DLGAP1: variants seen among roughly 807,000 people sequenced by gnomAD.
DLGAP1 encodes the protein disks large-associated protein 1.
DLGAP1 carries 11 observed loss-of-function variants against 90.8 expected under a neutral mutation model. That is an observed-to-expected ratio of 0.12 (90% confidence interval 0.08 to 0.20). DLGAP1 has a LOEUF of 0.20. Ranked by LOEUF, DLGAP1 falls within the 10% of genes least tolerant of loss-of-function variation. The probability of loss-of-function intolerance (pLI) is 1.00; values close to 1 mark genes in which losing one functional copy is unlikely to be tolerated. For missense variants in DLGAP1, 1,050 were observed against 1,333.8 expected (o/e 0.79, Z 3.31); for synonymous variants, 558 against 540.7 (o/e 1.03, Z -0.44).
chr18:4,027,995 C>G (rs575490215), intron 2 of DLGAP1, among the ~76,000 whole-genome samples: 1 of 152,144 alleles, frequency 6.6e-6, no homozygotes, highest in Non-Finnish European at 1.5e-5. Flanking sequence ...GTGTCACCTA[C>G]CTCAACAGAA....
At chr18:3,777,407 GAGAC>G (rs1354912376) in intron 5 of DLGAP1, among the ~76,000 whole-genome samples, 1 of 152,202 alleles carries the variant, frequency 6.6e-6, no homozygotes, top group African/African-American at 2.4e-5. Flanking sequence ...GAATATGTTA[GAGAC>G]AAAAACAAAG....
intron 2 of DLGAP1, among the ~76,000 whole-genome samples, chr18:4,041,526 G>C (rs939621862): frequency 6.6e-6 from 1 of 152,148 alleles, no homozygotes; most frequent in Non-Finnish European, 1.5e-5. Flanking sequence ...TAACTTAAAA[G>C]TATCTTCTGT....
At chr18:4,193,056 T>G (rs1481439674) in intron 1 of DLGAP1, among the ~76,000 whole-genome samples, 1 of 152,244 alleles carries the variant, frequency 6.6e-6, no homozygotes, top group East Asian at 1.9e-4. Context: ...ATGTTTGTCA[T>G]TTGCGCAGGC....
intron 4 of DLGAP1, among the ~76,000 whole-genome samples, chr18:3,865,404 T>C (rs1023884413): frequency 1.1e-4 from 17 of 152,154 alleles, no homozygotes; most frequent in African/African-American, 3.9e-4. Context: ...TCCACTGACA[T>C]GAAATAATGT....
chr18:4,225,412 C>G (rs76138489), intron 1 of DLGAP1, among the ~76,000 whole-genome samples: 580 of 152,062 alleles, frequency 3.8e-3, no homozygotes, highest in African/African-American at 0.012. Flanking sequence ...CATCTACAAG[C>G]ATCAAGACGA....
At chr18:3,809,133 T>C (rs767731842) in intron 5 of DLGAP1, among the ~76,000 whole-genome samples, 52 of 152,214 alleles carry the variant, frequency 3.4e-4, no homozygotes, top group Middle Eastern at 6.8e-3. Flanking sequence ...GAGCACTGCA[T>C]TGAGACTGGT....
intron 9 of DLGAP1, among the ~76,000 whole-genome samples, chr18:3,555,434 T>A (rs4065384): frequency 0.11 from 17,073 of 152,070 alleles, 1,540 homozygotes; most frequent in African/African-American, 0.26. Flanking sequence ...CTTTAAAAAA[T>A]AATGATAAAA....
chr18:3,618,888 G>A (rs1227519459), intron 7 of DLGAP1, among the ~76,000 whole-genome samples: 2 of 150,568 alleles, frequency 1.3e-5, no homozygotes, highest in East Asian at 2.0e-4. Context: ...GCAGTGAGCC[G>A]AGATCGTGTC....
At chr18:4,001,477 T>C (rs1281488767) in intron 3 of DLGAP1, among the ~76,000 whole-genome samples, 2 of 152,226 alleles carry the variant, frequency 1.3e-5, no homozygotes. Context: ...GCCATTTTTT[T>C]CTTTATTAAT....
chr18:4,335,114 A>G (rs1243772645), intron 1 of DLGAP1, among the ~76,000 whole-genome samples: 1 of 152,008 alleles, frequency 6.6e-6, no homozygotes, highest in Non-Finnish European at 1.5e-5. Flanking sequence ...TAAGGCAGCG[A>G]GCAGTTAATT....
intron 1 of DLGAP1, among the ~76,000 whole-genome samples, chr18:4,405,611 A>G (rs1271043795): frequency 6.6e-6 from 1 of 152,006 alleles, no homozygotes; most frequent in African/African-American, 2.4e-5. Context: ...AGGGGACACA[A>G]TACGTCCCTA....
chr18:3,870,164 A>C (rs369430272), intron 4 of DLGAP1, among the ~76,000 whole-genome samples: 1 of 152,206 alleles, frequency 6.6e-6, no homozygotes. Flanking sequence ...ATCATCCCAT[A>C]TCTATGAAAT....
chr18:4,252,114 A>G (rs1279235274), intron 1 of DLGAP1, among the ~76,000 whole-genome samples: 1 of 152,164 alleles, frequency 6.6e-6, no homozygotes, highest in African/African-American at 2.4e-5. Flanking sequence ...GCCTTGAATG[A>G]CCTTCAGGGA....
chr18:4,051,837 A>C (rs2075138085), intron 2 of DLGAP1, among the ~76,000 whole-genome samples: 1 of 152,230 alleles, frequency 6.6e-6, no homozygotes, highest in African/African-American at 2.4e-5. Flanking sequence ...TGGGGTACAG[A>C]CATTGGGTAA....
At chr18:3,755,582 G>A (rs141500851) in intron 5 of DLGAP1, among the ~76,000 whole-genome samples, 11 of 152,234 alleles carry the variant, frequency 7.2e-5, no homozygotes, top group East Asian at 5.8e-4. Context: ...CACAAGGGGC[G>A]TCTTATAACA....
chr18:3,641,323 G>A (rs936188311), intron 7 of DLGAP1, among the ~76,000 whole-genome samples: 4 of 151,808 alleles, frequency 2.6e-5, no homozygotes, highest in Admixed American at 1.3e-4. Flanking sequence ...CAAGGCAGGC[G>A]GATCACCTGA....
At chr18:3,975,831 A>C (rs2073560112) in intron 3 of DLGAP1, among the ~76,000 whole-genome samples, 1 of 152,194 alleles carries the variant, frequency 6.6e-6, no homozygotes, top group African/African-American at 2.4e-5. Context: ...CAAAAACACA[A>C]ATATTGTATA....
At chr18:3,596,555 CTTTTT>C in intron 7 of DLGAP1, 2 of 191,728 alleles carry the variant, frequency 1.0e-5, no homozygotes, top group Non-Finnish European at 1.1e-5. Context: ...GTTAGGAGAA[CTTTTT>C]TTTTTTTTTT....
intron 10 of DLGAP1, 73 bp from the exon 11 acceptor site, chr18:3,508,734 A>C: frequency 8.0e-7 from 1 of 1,257,412 alleles, no homozygotes; most frequent in Non-Finnish European, 1.1e-6. Flanking sequence ...TAAAGCAAAG[A>C]GGAAGTTATG....
Sources: allele counts gnomAD v4.1 joint callset (sites outside exome capture counted in the v4.1 genomes callset), GRCh38; gene constraint gnomAD v4.1.1; transcripts MANE v1.5; gene names NCBI Gene and HGNC (gene_info 2026-07-23, HGNC 2026-07-21).